PCDH9: variants seen among roughly 807,000 people sequenced by gnomAD.
PCDH9 encodes the protein protocadherin 9, also known as protocadherin-9.
A neutral mutation model predicts 70.6 loss-of-function variants in PCDH9; 24 were observed. The observed-to-expected ratio is 0.34, with a 90% CI of 0.25 to 0.48. The LOEUF (loss-of-function observed/expected upper bound fraction) is 0.48, where lower values mean the gene tolerates loss of function less well. Ranked by LOEUF, PCDH9 falls within the 20% of genes least tolerant of loss-of-function variation. PCDH9 has a pLI of 0.99. For missense variants in PCDH9, 1,281 were observed against 1,503.6 expected (o/e 0.85, Z 2.45); for synonymous variants, 562 against 558.5 (o/e 1.01, Z -0.09).
chr13:66,971,033 G>C (rs2083513073), intron 2 of PCDH9, among the ~76,000 whole-genome samples: 1 of 151,906 alleles, frequency 6.6e-6, no homozygotes, highest in Non-Finnish European at 1.5e-5. Context: ...CAGATCTGTG[G>C]CCATGCATGA....
At chr13:66,546,042 G>A (rs1279838845) in intron 4 of PCDH9, among the ~76,000 whole-genome samples, 1 of 151,548 alleles carries the variant, frequency 6.6e-6, no homozygotes, top group Non-Finnish European at 1.5e-5. Context: ...GTTTCACCAT[G>A]TTAGCCAGGA....
At chr13:66,896,338 G>A (rs1036940883) in intron 3 of PCDH9, among the ~76,000 whole-genome samples, 11 of 150,906 alleles carry the variant, frequency 7.3e-5, no homozygotes, top group African/African-American at 2.7e-4. Context: ...TTAGCCTCGG[G>A]AAAACACCAC....
intron 2 of PCDH9, among the ~76,000 whole-genome samples, chr13:66,995,099 C>A (rs902226830): frequency 6.6e-6 from 1 of 152,108 alleles, no homozygotes; most frequent in African/African-American, 2.4e-5. Context: ...CAAATTTAAA[C>A]CCGGAAGGGT....
intron 2 of PCDH9, among the ~76,000 whole-genome samples, chr13:66,991,711 G>A (rs557598689): frequency 4.6e-5 from 7 of 151,996 alleles, no homozygotes; most frequent in East Asian, 1.9e-4. Flanking sequence ...AACAGAATCC[G>A]AAACAAAATG....
intron 3 of PCDH9, among the ~76,000 whole-genome samples, chr13:66,870,208 G>C (rs1373108796): frequency 2.0e-5 from 3 of 152,032 alleles, no homozygotes; most frequent in African/African-American, 7.2e-5. Flanking sequence ...GTTTTTCTCA[G>C]GTTTGTCAAA....
chr13:67,178,010 C>T (rs2088510447), intron 2 of PCDH9, among the ~76,000 whole-genome samples: 1 of 152,074 alleles, frequency 6.6e-6, no homozygotes, highest in Non-Finnish European at 1.5e-5. Flanking sequence ...ACTGCCCAAG[C>T]CTGGCATGGA....
intron 4 of PCDH9, among the ~76,000 whole-genome samples, chr13:66,597,048 T>A (rs1205324170): frequency 1.3e-5 from 2 of 151,688 alleles, no homozygotes; most frequent in Non-Finnish European, 3.0e-5. Context: ...TCAATAAACC[T>A]TTTCTCATTA....
chr13:66,815,919 G>A (rs137974382), intron 3 of PCDH9, among the ~76,000 whole-genome samples: 6 of 152,154 alleles, frequency 3.9e-5, no homozygotes, highest in Admixed American at 1.3e-4. Flanking sequence ...TAACATGAAA[G>A]TTAAAAAAAT....
At chr13:66,961,113 T>TG (rs2083338697) in intron 2 of PCDH9, among the ~76,000 whole-genome samples, 2 of 152,168 alleles carry the variant, frequency 1.3e-5, no homozygotes, top group Non-Finnish European at 2.9e-5. Flanking sequence ...TGTCTATTTT[T>TG]TAAAAAAAAT....
intron 3 of PCDH9, among the ~76,000 whole-genome samples, chr13:66,637,012 C>T (rs1470287855): frequency 6.6e-6 from 1 of 151,970 alleles, no homozygotes; most frequent in Admixed American, 6.6e-5. Context: ...ACACATATTT[C>T]TTATAATATT....
chr13:66,455,848 T>C (rs1027599811), intron 4 of PCDH9, among the ~76,000 whole-genome samples: 6 of 152,156 alleles, frequency 3.9e-5, no homozygotes, highest in Non-Finnish European at 7.4e-5. Flanking sequence ...AAATTTTATA[T>C]ACTAAAGAAA....
chr13:66,972,400 T>C (rs1049192004), intron 2 of PCDH9, among the ~76,000 whole-genome samples: 1 of 151,966 alleles, frequency 6.6e-6, no homozygotes, highest in African/African-American at 2.4e-5. Flanking sequence ...CTCTTAAAAG[T>C]ATATTTTCTG....
At chr13:66,744,524 C>T (rs1211882881) in intron 3 of PCDH9, among the ~76,000 whole-genome samples, 1 of 152,132 alleles carries the variant, frequency 6.6e-6, no homozygotes, top group Non-Finnish European at 1.5e-5. Context: ...CTACCACACA[C>T]AAAACATGTT....
At chr13:66,504,188 G>A (rs1029983395) in intron 4 of PCDH9, among the ~76,000 whole-genome samples, 3 of 152,188 alleles carry the variant, frequency 2.0e-5, no homozygotes, top group Non-Finnish European at 4.4e-5. Context: ...CAATCCTTTT[G>A]TCTAAAAACG....
intron 2 of PCDH9, among the ~76,000 whole-genome samples, chr13:67,193,563 T>G (rs1249603220): frequency 6.6e-6 from 1 of 152,160 alleles, no homozygotes; most frequent in East Asian, 1.9e-4. Flanking sequence ...AGAGTACCTA[T>G]CTGTTAAACT....
chr13:66,583,177 T>A (rs1458382771), intron 4 of PCDH9, among the ~76,000 whole-genome samples: 2 of 151,816 alleles, frequency 1.3e-5, no homozygotes, highest in African/African-American at 4.8e-5. Context: ...AAGAAATGAA[T>A]ATCCTCTTCA....
intron 4 of PCDH9, among the ~76,000 whole-genome samples, chr13:66,363,159 A>C (rs1011711635): frequency 5.9e-5 from 9 of 152,156 alleles, no homozygotes; most frequent in African/African-American, 9.7e-5. Flanking sequence ...AGCCTGAGTG[A>C]CAGAGCAAGA....
intron 2 of PCDH9, among the ~76,000 whole-genome samples, chr13:67,056,082 A>G (rs1293825074): frequency 6.6e-6 from 1 of 152,160 alleles, no homozygotes; most frequent in Non-Finnish European, 1.5e-5. Flanking sequence ...TTCAAAACTG[A>G]TTGCTGTTAT....
chr13:67,042,505 CA>C (rs541134987), intron 2 of PCDH9, among the ~76,000 whole-genome samples: 73 of 151,918 alleles, frequency 4.8e-4, no homozygotes, highest in Non-Finnish European at 9.4e-4. Flanking sequence ...TTAAAAAAAA[CA>C]AAAACAAAAC....
Sources: gnomAD v4.1 joint callset for allele counts (sites outside exome capture counted in the v4.1 genomes callset) on GRCh38, gnomAD v4.1.1 for gene constraint, MANE v1.5 for transcripts, NCBI Gene and HGNC (gene_info 2026-07-23, HGNC 2026-07-21) for gene names.